Variants in FSTL4 observed in about 807,000 individuals in gnomAD.
The protein encoded by FSTL4 is follistatin-related protein 4.
Under a neutral mutation model 78.2 loss-of-function variants are expected in FSTL4, and 28 were observed. The ratio of observed to expected loss-of-function variants is 0.36; its 90% CI spans 0.27 to 0.49. The LOEUF (loss-of-function observed/expected upper bound fraction) is 0.49. Ranked by LOEUF, FSTL4 falls within the 20% of genes least tolerant of loss-of-function variation. The pLI, the probability that FSTL4 is intolerant of heterozygous loss-of-function variation, is 0.98. For missense variants in FSTL4, 922 were observed against 1,084.9 expected (o/e 0.85, Z 2.11); for synonymous variants, 422 against 440.5 (o/e 0.96, Z 0.53).
chr5:133,657,424 C>T, the FSTL4 span, among the ~76,000 whole-genome samples: 1 of 152,292 alleles, frequency 6.6e-6, no homozygotes, highest in South Asian at 2.1e-4. Context: ...ACAGGGACTT[C>T]TTTTCTTCTT....
chr5:133,343,299 G>A (rs539403720), intron 4 of FSTL4, among the ~76,000 whole-genome samples: 14 of 152,284 alleles, frequency 9.2e-5, no homozygotes, highest in African/African-American at 3.1e-4. Context: ...GGCCACTAGC[G>A]GTGCCAACAG....
rs768817832 is a variant in FSTL4 at position 133,199,447 on chromosome 5, T to C, written c.2177A>G (p.Tyr726Cys). 2 of 1,614,210 alleles carry C rather than the reference T, an allele frequency of 1.2e-6. No individual in the cohort carries two copies. The highest frequency in any genetic ancestry group is 1.1e-5 in the South Asian group (1 of 91,088). ...ITVRGEIQTLYDLQINSGISD... is the reference protein window; with the variant it reads ...ITVRGEIQTLCDLQINSGISD... ...GATGCCCGAGTTTATTTGCAGGTCA[T>C]ACAGGGTCTGGATCTCGCCCCGCAC... is the stretch of plus-strand genomic sequence containing the variant. The change falls in exon 16 of 16, where the codon TAT becomes TGT. Residue 726 changes from tyrosine to cysteine, a missense_variant. Tyr to Cys is a radical substitution (Grantham distance 194, BLOSUM62 -2). Coordinates refer to ENST00000265342, the MANE Select transcript of FSTL4 (RefSeq NM_015082.2). This position sits in a 1 kb window ranked among gnomAD's most constrained non-coding sequence, Gnocchi z 4.4.
intron 3 of FSTL4, among the ~76,000 whole-genome samples, chr5:133,510,356 T>TTAAAAGAGC (rs1758702735): frequency 6.6e-6 from 1 of 152,194 alleles, no homozygotes; most frequent in Non-Finnish European, 1.5e-5. Flanking sequence ...ATGTGGTAAG[T>TTAAAAGAGC]TAAATGAGCT....
the FSTL4 span, among the ~76,000 whole-genome samples, chr5:133,748,292 A>G: frequency 6.6e-6 from 1 of 151,786 alleles, no homozygotes; most frequent in Admixed American, 6.6e-5. Context: ...TAGAGAGGCC[A>G]GGTGTGGTGG....
chr5:133,471,214 C>T (rs765397159), intron 3 of FSTL4, among the ~76,000 whole-genome samples: 2 of 152,082 alleles, frequency 1.3e-5, no homozygotes, highest in Non-Finnish European at 2.9e-5. Flanking sequence ...TTAACTACCG[C>T]GTCTTTGTGT....
At chr5:133,566,966 T>G (rs546856542) in intron 3 of FSTL4, among the ~76,000 whole-genome samples, 4 of 152,284 alleles carry the variant, frequency 2.6e-5, no homozygotes, top group African/African-American at 9.6e-5. Context: ...GTATCCCACC[T>G]CTGGTACTTG....
chr5:133,668,499 C>T, the FSTL4 span, among the ~76,000 whole-genome samples: 4 of 152,168 alleles, frequency 2.6e-5, no homozygotes, highest in East Asian at 5.8e-4. Flanking sequence ...CTACATTCTG[C>T]GAGCTGCCAG....
In FSTL4 at chr5:133,307,145, C is replaced by T. The variant is rs569385453; in HGVS notation, c.727+5509G>A. Among the ~76,000 whole-genome samples the T allele has an allele frequency of 4.6e-5, 7 of 152,300 alleles. No homozygotes were observed. In the East Asian group the frequency reaches 1.4e-3, roughly 29 times the overall value. On this transcript the variant is annotated intron_variant, in intron 6 of 15. Coordinates refer to ENST00000265342, the MANE Select transcript of FSTL4 (RefSeq NM_015082.2). ...GTTAGTCAGTCGCAGAATAAAGATT[C>T]AAAACCAGGTCTAGCTTGGACTCTG...
chr5:133,796,734 T>A, the FSTL4 span, among the ~76,000 whole-genome samples: 1 of 152,020 alleles, frequency 6.6e-6, no homozygotes, highest in East Asian at 1.9e-4. Context: ...AGGGCTTATA[T>A]GGGGTACAGG....
the FSTL4 span, among the ~76,000 whole-genome samples, chr5:133,771,062 A>G: frequency 2.0e-5 from 3 of 151,928 alleles, no homozygotes; most frequent in African/African-American, 4.8e-5. Context: ...TAGGCTTTTT[A>G]TTCTGTTCCA....
chr5:133,832,591 T>C, the FSTL4 span, among the ~76,000 whole-genome samples: 1 of 152,254 alleles, frequency 6.6e-6, no homozygotes, highest in East Asian at 1.9e-4. Flanking sequence ...GCTCTGCCCA[T>C]GGGCAAGTCC....
the FSTL4 span, among the ~76,000 whole-genome samples, chr5:133,760,228 G>A: frequency 2.6e-5 from 4 of 152,128 alleles, no homozygotes; most frequent in Non-Finnish European, 5.9e-5. Context: ...CCCTGGAGTG[G>A]TGAATGGAAG....
At chr5:133,466,055 G>A (rs1757699672) in intron 3 of FSTL4, among the ~76,000 whole-genome samples, 1 of 152,208 alleles carries the variant, frequency 6.6e-6, no homozygotes, top group Non-Finnish European at 1.5e-5. Flanking sequence ...TGAGTGGAAG[G>A]AAACGGGACA....
intron 3 of FSTL4, among the ~76,000 whole-genome samples, chr5:133,421,498 TG>T (rs2126987595): frequency 6.9e-6 from 1 of 145,318 alleles, no homozygotes; most frequent in East Asian, 2.1e-4. Flanking sequence ...GCTGAGCATA[TG>T]GGATAAGAGT....
rs1227798955 is a variant in FSTL4 at position 133,556,872 on chromosome 5, G to A, written c.160+10314C>T. On this transcript the variant is annotated intron_variant, in intron 3 of 15. Coordinates refer to ENST00000265342, the MANE Select transcript of FSTL4 (RefSeq NM_015082.2). Reference sequence around the variant, plus strand: ...AAACATCATCAAGGAAAGGACTGAAGCCACTGCCAGGTGAGGGGCTTGCTC... The same window carrying A: ...AAACATCATCAAGGAAAGGACTGAAACCACTGCCAGGTGAGGGGCTTGCTC... 2.0e-5 allele frequency among the ~76,000 whole-genome samples: 3 copies of A among 152,210 alleles called. 1 individual carries two copies. Among genetic ancestry groups the A allele is most frequent in the African/African-American group, 7.2e-5 (3 of 41,450 alleles).
chr5:133,264,610 G>C (rs950114353), intron 6 of FSTL4, among the ~76,000 whole-genome samples: 2 of 152,220 alleles, frequency 1.3e-5, no homozygotes, highest in African/African-American at 4.8e-5. Context: ...AACCTTTTCT[G>C]TGTTAGGCAG....
At chr5:133,618,060 G>C in the FSTL4 span, among the ~76,000 whole-genome samples, 1 of 152,172 alleles carries the variant, frequency 6.6e-6, no homozygotes, top group East Asian at 1.9e-4. Flanking sequence ...CTTAGTGGAT[G>C]CCTGAAATCA....
At chr5:133,614,119 A>G (rs73273798), upstream of FSTL4, among the ~76,000 whole-genome samples, 608 of 152,354 alleles carry the variant, frequency 4.0e-3, 5 homozygotes, top group African/African-American at 0.013. Flanking sequence ...ACCATGGCTT[A>G]GAGGCTGGAT....
chr5:133,342,339 C>G (rs1008763509), intron 4 of FSTL4, among the ~76,000 whole-genome samples: 70 of 152,066 alleles, frequency 4.6e-4, no homozygotes, highest in African/African-American at 1.7e-3. Context: ...AGAGAAGGGG[C>G]AGGGGAAATT....
Sources: allele counts gnomAD v4.1 joint callset (sites outside exome capture counted in the v4.1 genomes callset), GRCh38; gene constraint gnomAD v4.1.1; non-coding constraint Gnocchi (gnomAD v3.1); transcripts MANE v1.5; gene names NCBI Gene and HGNC (gene_info 2026-07-23, HGNC 2026-07-21).